The following PRKN variants were observed in gnomAD, a reference collection of about 807,000 sequenced individuals.
The protein encoded by PRKN is E3 ubiquitin-protein ligase parkin.
PRKN carries 56 observed loss-of-function variants against 59.5 expected under a neutral mutation model. That is an observed-to-expected ratio of 0.94 (90% CI 0.76 to 1.18). The LOEUF is 1.18. Among genes scored for constraint, PRKN ranks in the 50% most tolerant of loss-of-function variants. PRKN has a pLI of 0.00. For synonymous variants in PRKN, 250 were observed against 222.1 expected, an observed-to-expected ratio of 1.13 and a Z score of -1.12; for missense variants, 657 against 596.4, an observed-to-expected ratio of 1.10 and a Z score of -1.06.
At position 161,554,403 on chromosome 6, in the gene PRKN, T is replaced by TATAC. The variant is rs1554275646; in HGVS notation, c.934-5401_934-5400insGTAT. ...TAACCTTCATGTTATCTTACTTCTA[T>TATAC]ACACACACACACACACACACACACA... On this transcript the variant is annotated intron_variant, in intron 8 of 11. Transcript: ENST00000366898. This position sits in a 1 kb window ranked among gnomAD's most constrained non-coding sequence, Gnocchi z 4.5. Among the ~76,000 whole-genome samples the TATAC allele has an allele frequency of 1.2e-4, 17 of 147,086 alleles. No individual in the cohort carries two copies. Among genetic ancestry groups the TATAC allele is most frequent in the African/African-American group, 3.8e-4 (15 of 39,928 alleles).
Position 162,716,760 on chromosome 6 carries a change from G to A in PRKN, c.7+10902C>T, listed in dbSNP as rs551089200. Among the ~76,000 whole-genome samples, 40 of 143,584 alleles carry A rather than the reference G, an allele frequency of 2.8e-4. 1 individual carries two copies. In the South Asian group the frequency reaches 7.3e-3, roughly 26 times the overall value. The allele number at this position is 143,584 out of a possible 152,430, so 94.2% of individuals were successfully genotyped here. On this transcript the variant is annotated intron_variant, in intron 1 of 11. Coordinates refer to ENST00000366898, the MANE Select transcript of PRKN (RefSeq NM_004562.3). ...TAGTCCATACACCCTACCCGCCTGC[G>A]CGCGCGCGCACGCACACACACACGC...
chr6:161,666,215 C>A (rs1328476849), intron 7 of PRKN, among the ~76,000 whole-genome samples: 1 of 152,206 alleles, frequency 6.6e-6, no homozygotes, highest in East Asian at 1.9e-4. Context: ...CTGTCCGTAG[C>A]CTGTTAGGAA....
intron 2 of PRKN, among the ~76,000 whole-genome samples, chr6:162,369,446 C>T (rs6455813): frequency 0.67 from 102,448 of 152,072 alleles, 36,037 homozygotes; most frequent in African/African-American, 0.88. Context: ...GTGACTCTTA[C>T]TATACTACCC....
At chr6:161,814,502 C>T (rs1437519224) in intron 6 of PRKN, among the ~76,000 whole-genome samples, 1 of 152,020 alleles carries the variant, frequency 6.6e-6, no homozygotes, top group African/African-American at 2.4e-5. Flanking sequence ...AGGGGAACTG[C>T]CTTTTTTTCT....
chr6:162,438,048 T>C (rs1269459241), intron 2 of PRKN, among the ~76,000 whole-genome samples: 1 of 152,198 alleles, frequency 6.6e-6, no homozygotes, highest in Non-Finnish European at 1.5e-5. Flanking sequence ...CAGTAGCAAT[T>C]TGCGAGTAAT....
chr6:161,751,920 G>A (rs1474783457), intron 7 of PRKN, among the ~76,000 whole-genome samples: 1 of 152,190 alleles, frequency 6.6e-6, no homozygotes, highest in African/African-American at 2.4e-5. Context: ...AGAAGAGCAG[G>A]TGCAAAGGCC....
At chr6:162,492,501 C>T (rs572247883) in intron 1 of PRKN, among the ~76,000 whole-genome samples, 11 of 152,138 alleles carry the variant, frequency 7.2e-5, no homozygotes, top group Non-Finnish European at 1.3e-4. Flanking sequence ...ACCTGAAAGT[C>T]GAGAAGCAGA....
At chr6:162,342,970 A>C (rs1784250269) in intron 2 of PRKN, among the ~76,000 whole-genome samples, 1 of 152,140 alleles carries the variant, frequency 6.6e-6, no homozygotes, top group African/African-American at 2.4e-5. Context: ...CTCTTGTGGC[A>C]CTTTAAAAAA....
At position 161,592,084 on chromosome 6, in the gene PRKN, C is replaced by G. The variant is rs1056010385; in HGVS notation, c.872-22668G>C. Among the ~76,000 whole-genome samples, 1 of 152,184 alleles carries G rather than the reference C, an allele frequency of 6.6e-6. No homozygotes were observed. The highest frequency in any genetic ancestry group is 2.4e-5 in the African/African-American group (1 of 41,450). On this transcript the variant is annotated intron_variant, in intron 7 of 11. Transcript: ENST00000366898. The surrounding 1 kb of genome is among the most constrained non-coding windows in gnomAD (Gnocchi z 4.8). ...ATCCCTAGATTATGTATATCTAATACAAAGTCAATGCTATGTAAATAGTTG... is the reference window on the plus strand; with the variant it reads ...ATCCCTAGATTATGTATATCTAATAGAAAGTCAATGCTATGTAAATAGTTG...
At chr6:162,020,561 G>C (rs1214200030) in intron 5 of PRKN, among the ~76,000 whole-genome samples, 2 of 152,046 alleles carry the variant, frequency 1.3e-5, no homozygotes, top group East Asian at 3.9e-4. Context: ...AAAGCAGTTG[G>C]TAAGGGACAG....
At chr6:162,306,800 G>A (rs747243011) in intron 2 of PRKN, among the ~76,000 whole-genome samples, 16 of 152,124 alleles carry the variant, frequency 1.1e-4, no homozygotes, top group Non-Finnish European at 2.4e-4. Context: ...TATGGCCAAC[G>A]AGGCAGAGCT....
intron 6 of PRKN, among the ~76,000 whole-genome samples, chr6:161,868,928 T>G (rs1225223750): frequency 1.3e-5 from 2 of 152,150 alleles, no homozygotes; most frequent in Non-Finnish European, 2.9e-5. Flanking sequence ...TAGTGTAAAA[T>G]AATTACAATT....
intron 4 of PRKN, among the ~76,000 whole-genome samples, chr6:162,155,251 T>C (rs2023044): frequency 0.95 from 144,245 of 152,198 alleles, 68,691 homozygotes; most frequent in Non-Finnish European, 1. Flanking sequence ...ACACAGTTCT[T>C]AGTCAGCACA....
chr6:161,430,321 G>T (rs930036317), intron 9 of PRKN, among the ~76,000 whole-genome samples: 1 of 152,204 alleles, frequency 6.6e-6, no homozygotes, highest in Non-Finnish European at 1.5e-5. Context: ...ACTGCCTAAA[G>T]GTCCCACCTC....
At chr6:162,323,391 A>G (rs1189233491) in intron 2 of PRKN, among the ~76,000 whole-genome samples, 1 of 151,666 alleles carries the variant, frequency 6.6e-6, no homozygotes, top group Non-Finnish European at 1.5e-5. Flanking sequence ...AAAATCTATA[A>G]AAGACTTCAT....
chr6:161,724,844 G>T (rs1056167766), intron 7 of PRKN, among the ~76,000 whole-genome samples: 3 of 152,068 alleles, frequency 2.0e-5, no homozygotes, highest in African/African-American at 7.3e-5. Context: ...ATGTTGAATT[G>T]TAATCCCCAA....
At chr6:161,835,057 C>T (rs948527143) in intron 6 of PRKN, among the ~76,000 whole-genome samples, 1 of 152,144 alleles carries the variant, frequency 6.6e-6, no homozygotes, top group South Asian at 2.1e-4. Context: ...AGGGTAAGTC[C>T]GTCTCTTACT....
chr6:162,453,323 C>T (rs9295190), intron 1 of PRKN, among the ~76,000 whole-genome samples: 13,503 of 152,192 alleles, frequency 0.089, 1,911 homozygotes, highest in African/African-American at 0.3. Flanking sequence ...TCCTCTCTCT[C>T]TTTTTCCTTC....
intron 3 of PRKN, among the ~76,000 whole-genome samples, chr6:162,220,701 A>C (rs953722145): frequency 6.6e-6 from 1 of 152,146 alleles, no homozygotes; most frequent in Non-Finnish European, 1.5e-5. Context: ...AGGAAACGGA[A>C]CTCCACATGG....
Sources: gnomAD v4.1 joint callset for allele counts (sites outside exome capture counted in the v4.1 genomes callset) on GRCh38, gnomAD v4.1.1 for gene constraint, Gnocchi (gnomAD v3.1) non-coding constraint, MANE v1.5 for transcripts, NCBI Gene and HGNC (gene_info 2026-07-23, HGNC 2026-07-21) for gene names.